RXRB: variants seen among roughly 807,000 people sequenced by gnomAD.
The protein encoded by RXRB is retinoid X receptor beta, also known as retinoic acid receptor RXR-beta.
Under a neutral mutation model 52.5 loss-of-function variants are expected in RXRB, and 18 were observed. The observed-to-expected ratio is 0.34, with a 90% CI of 0.24 to 0.51. The LOEUF (loss-of-function observed/expected upper bound fraction) is 0.51. Among genes scored for constraint, RXRB ranks in the 20% least tolerant of loss-of-function variants. The probability of loss-of-function intolerance (pLI) is 0.97; values close to 1 mark genes in which losing one functional copy is unlikely to be tolerated. For synonymous variants in RXRB, 233 were observed against 267.1 expected (o/e 0.87, Z 1.25); for missense variants, 455 against 698.2 (o/e 0.65, Z 3.92).
At chr6:33,200,786 T>G (rs1199581911), upstream of RXRB, 15 of 1,529,250 alleles carry the variant, frequency 9.8e-6, no homozygotes, top group Non-Finnish European at 1.2e-5. The surrounding 1 kb of genome is among the most constrained non-coding windows in gnomAD (Gnocchi z 6.3). Context: ...CGCGCATGCG[T>G]GTCAGTGCAG....
chr6:33,199,940 C>A (rs1295935976), intron 1 of RXRB: 3 of 728,568 alleles, frequency 4.1e-6, no homozygotes, highest in Non-Finnish European at 7.6e-6. Context: ...AGAGACCCCT[C>A]CTAAGACGCA....
In RXRB at chr6:33,193,596, A is replaced by G. The variant is rs1773588992; in HGVS notation, c.*1086T>C. 1 of 151,780 alleles carries G rather than the reference A, an allele frequency of 6.6e-6. No individual in the cohort carries two copies. The allele number at this position is 151,780 out of a possible 1,614,324, so 9.4% of individuals were successfully genotyped here. A position where few individuals can be genotyped will look rare whatever the true frequency, so the allele number is the denominator to read the frequency against. ...TCATACAGTCACCTCAGTCCAGAAA[A>G]CAGCGATTTTAATTTGAAAGCGATT... is the stretch of plus-strand genomic sequence containing the variant. On this transcript the variant is annotated 3_prime_UTR_variant, in exon 10 of 10. Transcript: ENST00000374680.
chr6:33,199,607 TC>T (rs1467029466), intron 1 of RXRB, 191 bp from the exon 2 acceptor site: 1 of 489,830 alleles, frequency 2.0e-6, no homozygotes, highest in Non-Finnish European at 3.6e-6. Flanking sequence ...CTCCGGCTGG[TC>T]CGATGGTAGT....
chr6:33,197,857 C>T lies in RXRB; in HGVS notation c.725G>A (p.Arg242Gln). The T allele has an allele frequency of 6.2e-7, 1 of 1,613,836 alleles. No homozygotes were observed. The highest frequency in any genetic ancestry group is 2.2e-5 in the East Asian group (1 of 44,890). The change falls in exon 4 of 10, where the codon CGG becomes CAG. Residue 242 changes from arginine to glutamine, a missense_variant. By Grantham distance (43) the Arg-to-Gln change is conservative (BLOSUM62 1). Coordinates refer to ENST00000374680, the MANE Select transcript of RXRB (RefSeq NM_021976.5). This position sits in a 1 kb window ranked among gnomAD's most constrained non-coding sequence, Gnocchi z 4.4. ...GTCCACTGTGCAGTCTTTGTTGTCC[C>T]GGCAAGAGTATGTAAGGTCTTTGCG... ...TIRKDLTYSC[R>Q]DNKDCTVDKR...
At position 33,200,382 on chromosome 6, in the gene RXRB, A is replaced by C; in HGVS notation, c.95T>G (p.Val32Gly). The change falls in exon 1 of 10, where the codon GTC (valine) becomes GGC (glycine). Residue 32 changes from valine (V) to glycine (G), a missense_variant. By Grantham distance (109) the Val-to-Gly change is moderately radical (BLOSUM62 -3). Coordinates refer to ENST00000374680, the MANE Select transcript of RXRB (RefSeq NM_021976.5). This position sits in a 1 kb window ranked among gnomAD's most constrained non-coding sequence, Gnocchi z 6.3. ...VGVRKEMHCG[V>G]ASRWRRRRPW... ...CCGTCGCCGCCGCCACCGGGACGCG[A>C]CCCCACAATGCATTTCTTTTCGCAC... 1 of 1,563,262 alleles carries C rather than the reference A, an allele frequency of 6.4e-7. No homozygotes were observed. The highest frequency in any genetic ancestry group is 8.6e-7 in the Non-Finnish European group (1 of 1,156,398).
Position 33,195,352 on chromosome 6 carries a change from C to G in RXRB, c.1348+11G>C. 1 of 1,561,476 alleles carries G rather than the reference C, an allele frequency of 6.4e-7. No homozygotes were observed. Reference sequence around the variant, plus strand: ...CTTGGCCTTGAGAGACAAAGGTAATCCTCCTCTTACCTGGATTAAACAGAA... The same window carrying G: ...CTTGGCCTTGAGAGACAAAGGTAATGCTCCTCTTACCTGGATTAAACAGAA... On this transcript the variant is annotated intron_variant, in intron 8 of 9. Transcript: ENST00000374680. This position sits in a 1 kb window ranked among gnomAD's most constrained non-coding sequence, Gnocchi z 8.6.
chr6:33,198,772 G>C (rs761194618), intron 2 of RXRB: 1 of 501,076 alleles, frequency 2.0e-6, no homozygotes, highest in Non-Finnish European at 3.6e-6. Context: ...GAATTAGCCG[G>C]GCGTGGTGGT....
At chr6:33,198,012 C>T in intron 3 of RXRB, 71 bp from the exon 4 acceptor site, 1 of 1,502,418 alleles carries the variant, frequency 6.7e-7, no homozygotes, top group South Asian at 1.2e-5. Context: ...TGTTTCCAAT[C>T]TCCCCCTAGC....
intron 2 of RXRB, among the ~76,000 whole-genome samples, 182 bp downstream of exon 2, chr6:33,198,987 G>A (rs1774165087): frequency 6.6e-6 from 1 of 150,818 alleles, no homozygotes; most frequent in Admixed American, 6.6e-5. Flanking sequence ...AGGGGAGGAA[G>A]CATGCACTGA....
chr6:33,200,645 A>C lies in RXRB; in HGVS notation c.-169T>G. On this transcript the variant is annotated 5_prime_UTR_variant, in exon 1 of 10. Transcript: ENST00000374680. The surrounding 1 kb of genome is among the most constrained non-coding windows in gnomAD (Gnocchi z 6.3). ...ACCAAAATGACAGCGCCAATGTGGC[A>C]GCCATCTTTGTACAGACGGGAAGTC... 6.6e-7 allele frequency: 1 copy of C among 1,520,738 alleles called. No individual in the cohort carries two copies. The highest frequency in any genetic ancestry group is 8.8e-7 in the Non-Finnish European group (1 of 1,132,828). 94.2% of individuals were successfully genotyped at this position (1,520,738 alleles called of 1,614,324 possible). A position where few individuals can be genotyped will look rare whatever the true frequency, so the allele number is the denominator to read the frequency against.
rs1409076338 is a variant in RXRB, at chr6:33,196,684, C to A, written c.821-78G>T. ...GGGGTTCCACAAATATCCTTACGGC[C>A]TCATCAGGATCTCATGGCCCTTGGG... On this transcript the variant is annotated intron_variant, in intron 4 of 9. Coordinates refer to ENST00000374680, the MANE Select transcript of RXRB (RefSeq NM_021976.5). The surrounding 1 kb of genome is among the most constrained non-coding windows in gnomAD (Gnocchi z 4.0). The A allele has an allele frequency of 6.2e-6, 8 of 1,281,612 alleles. No individual in the cohort carries two copies. In the African/African-American group the frequency reaches 1.0e-4, roughly 17 times the overall value. 79.4% of individuals were successfully genotyped at this position (1,281,612 alleles called of 1,614,324 possible). A position where few individuals can be genotyped will look rare whatever the true frequency, so the allele number is the denominator to read the frequency against.
At position 33,200,085 on chromosome 6, in the gene RXRB, C is replaced by CG. The variant is rs1173069247; in HGVS notation, c.235+156dup. The stretch of plus-strand genomic sequence containing the variant: ...GAAGCTCCCCTTCCCCGCCCCGCCC[C>CG]GGGGGGGAGGGTGCTAAGGCCCTCG... On this transcript the variant is annotated intron_variant, in intron 1 of 9. Transcript: ENST00000374680. This position sits in a 1 kb window ranked among gnomAD's most constrained non-coding sequence, Gnocchi z 6.3. 23 of 1,109,846 alleles carry CG rather than the reference C, an allele frequency of 2.1e-5. No individual in the cohort carries two copies. The highest frequency in any genetic ancestry group is 7.6e-5 in the African/African-American group (5 of 65,514). The allele number at this position is 1,109,846 out of a possible 1,614,324, so 68.7% of individuals were successfully genotyped here. A position where few individuals can be genotyped will look rare whatever the true frequency, so the allele number is the denominator to read the frequency against.
chr6:33,196,113 C>A lies in RXRB; in HGVS notation c.994-77G>T. On this transcript the variant is annotated intron_variant, in intron 5 of 9. Transcript: ENST00000374680. The surrounding 1 kb of genome is among the most constrained non-coding windows in gnomAD (Gnocchi z 4.0). ...CCCCCTTGTAAGAGGCTTTTGACAC[C>A]CCCTCCTTACATATAGTCTTCCTGT... 6.4e-7 allele frequency: 1 copy of A among 1,564,204 alleles called. No individual in the cohort carries two copies. Among genetic ancestry groups the A allele is most frequent in the Non-Finnish European group, 8.8e-7 (1 of 1,140,004 alleles).
In RXRB at chr6:33,195,308, G is replaced by C. The variant is rs1259561180; in HGVS notation, c.1348+55C>G. ...TGGGTAACTTAGGAGTCTCGGAGAA[G>C]AGGAGGCTCCAAGGTTGCCTTGGCC... On this transcript the variant is annotated intron_variant, in intron 8 of 9. Coordinates refer to ENST00000374680, the MANE Select transcript of RXRB (RefSeq NM_021976.5). This position sits in a 1 kb window ranked among gnomAD's most constrained non-coding sequence, Gnocchi z 8.6. 6 of 1,110,672 alleles carry C rather than the reference G, an allele frequency of 5.4e-6. No individual in the cohort carries two copies. Among genetic ancestry groups the C allele is most frequent in the Non-Finnish European group, 8.3e-6 (6 of 721,848 alleles). 68.8% of individuals were successfully genotyped at this position (1,110,672 alleles called of 1,614,324 possible).
At chr6:33,199,580 G>A (rs535264233) in intron 1 of RXRB, 164 bp from the exon 2 acceptor site, 3 of 498,622 alleles carry the variant, frequency 6.0e-6, no homozygotes, top group African/African-American at 1.9e-5. Context: ...ACACCCTGCT[G>A]TCAAACAACA....
In RXRB at chr6:33,196,429, C is replaced by G. The variant is rs1773902514; in HGVS notation, c.993+5G>C. The G allele has an allele frequency of 6.2e-7, 1 of 1,612,776 alleles. No individual in the cohort carries two copies. Among genetic ancestry groups the G allele is most frequent in the African/African-American group, 1.3e-5 (1 of 74,904 alleles). On this transcript the variant is annotated splice_donor_5th_base_variant and intron_variant, in intron 5 of 9. Coordinates refer to ENST00000374680, the MANE Select transcript of RXRB (RefSeq NM_021976.5). This position sits in a 1 kb window ranked among gnomAD's most constrained non-coding sequence, Gnocchi z 4.0. ...GAAGGAGAGTGGATTGACCCCAACA[C>G]TCACGCTGCTGCCGCTACCCCCGGT...
Position 33,197,596 on chromosome 6 carries a change from G to A in RXRB, c.820+166C>T, listed in dbSNP as rs921307060. ...CTAACCATTAAGAAGGAAACTCAAG[G>A]GCCAGAACAGGGTAACAGGGAGGAG... On this transcript the variant is annotated intron_variant, in intron 4 of 9. Transcript: ENST00000374680. This position sits in a 1 kb window ranked among gnomAD's most constrained non-coding sequence, Gnocchi z 4.4. Among the ~76,000 whole-genome samples the A allele has an allele frequency of 6.6e-6, 1 of 152,196 alleles. No homozygotes were observed. Among genetic ancestry groups the A allele is most frequent in the Non-Finnish European group, 1.5e-5 (1 of 68,038 alleles).
Position 33,194,685 on chromosome 6 carries a change from G to A in RXRB, c.1599C>T (p.Ala533=), listed in dbSNP as rs1414785670. 6.2e-6 allele frequency: 10 copies of A among 1,612,804 alleles called. No individual in the cohort carries two copies. Among genetic ancestry groups the A allele is most frequent in the Non-Finnish European group, 8.5e-6 (10 of 1,179,918 alleles). Residue 533 remains alanine (A), a synonymous_variant, in exon 10 of 10, where the codon GCC becomes GCT. Coordinates refer to ENST00000374680, the MANE Select transcript of RXRB (RefSeq NM_021976.5). The surrounding 1 kb of genome is among the most constrained non-coding windows in gnomAD (Gnocchi z 4.1). The part of the protein sequence containing the change: ...MEMLEAPHQL[A] ...AGCACCACGTCTGGGTCTGAGCTCA[G>A]GCCAGTTGATGGGGAGCCTCAAGCA...
At position 33,200,372 on chromosome 6, in the gene RXRB, C is replaced by A. The variant is rs1478922699; in HGVS notation, c.105G>T (p.Arg35=). Residue 35 remains arginine, a synonymous_variant, in exon 1 of 10, where the codon CGG becomes CGT. Coordinates refer to ENST00000374680, the MANE Select transcript of RXRB (RefSeq NM_021976.5). The surrounding 1 kb of genome is among the most constrained non-coding windows in gnomAD (Gnocchi z 6.3). ...RKEMHCGVAS[R]WRRRRPWLDP... is the part of the protein sequence containing the mutation. ...CCAGCCAGGGCCGTCGCCGCCGCCA[C>A]CGGGACGCGACCCCACAATGCATTT... 2.6e-6 allele frequency: 4 copies of A among 1,563,818 alleles called. No individual in the cohort carries two copies. The highest frequency in any genetic ancestry group is 8.6e-7 in the Non-Finnish European group (1 of 1,156,848).
Sources: allele counts gnomAD v4.1 joint callset (sites outside exome capture counted in the v4.1 genomes callset), GRCh38; gene constraint gnomAD v4.1.1; non-coding constraint Gnocchi (gnomAD v3.1); transcripts MANE v1.5; gene names NCBI Gene and HGNC (gene_info 2026-07-23, HGNC 2026-07-21).